Variants in GRM5 observed in about 807,000 individuals in gnomAD.
The protein encoded by GRM5 is glutamate metabotropic receptor 5.
In GRM5, 19 loss-of-function variants were observed where a neutral mutation model predicts 83.1. That is an observed-to-expected ratio of 0.23 (90% CI 0.16 to 0.34). The LOEUF is 0.34. Ranked by LOEUF, GRM5 falls within the 10% of genes least tolerant of loss-of-function variation. The pLI, the probability that GRM5 is intolerant of heterozygous loss-of-function variation, is 1.00. For missense variants in GRM5, 1,160 were observed against 1,588.3 expected, an observed-to-expected ratio of 0.73 and a Z score of 4.58; for synonymous variants, 675 against 633.6, an observed-to-expected ratio of 1.07 and a Z score of -0.98.
intron 2 of GRM5, among the ~76,000 whole-genome samples, chr11:89,006,472 C>A (rs185454406): frequency 0.029 from 4,383 of 152,276 alleles, 95 homozygotes; most frequent in Non-Finnish European, 0.042. Context: ...ACCATCCAGG[C>A]TGAAGAACCT....
intron 3 of GRM5, among the ~76,000 whole-genome samples, chr11:88,811,475 G>A (rs991426928): frequency 6.6e-6 from 1 of 151,896 alleles, no homozygotes; most frequent in Non-Finnish European, 1.5e-5. Flanking sequence ...TATGACCCTG[G>A]GTTCTTTTAG....
intron 3 of GRM5, among the ~76,000 whole-genome samples, chr11:88,767,297 C>T (rs1195943546): frequency 1.3e-5 from 2 of 151,930 alleles, no homozygotes; most frequent in Admixed American, 6.6e-5. Context: ...AACAGAATTG[C>T]TATTTGATCC....
intron 2 of GRM5, among the ~76,000 whole-genome samples, chr11:89,045,460 C>T (rs1479804408): frequency 2.0e-5 from 3 of 152,052 alleles, no homozygotes; most frequent in Non-Finnish European, 4.4e-5. Context: ...GTTATATATA[C>T]AGAAATGCCC....
intron 4 of GRM5, among the ~76,000 whole-genome samples, chr11:88,629,351 A>G (rs1259393167): frequency 6.6e-6 from 1 of 152,150 alleles, no homozygotes; most frequent in Non-Finnish European, 1.5e-5. Context: ...TGCGCCGTAC[A>G]TATCTATAGT....
At chr11:88,837,570 G>A (rs1041399534) in intron 3 of GRM5, among the ~76,000 whole-genome samples, 2 of 152,058 alleles carry the variant, frequency 1.3e-5, no homozygotes, top group East Asian at 1.9e-4. Context: ...AGCCACCAGC[G>A]CACTTTGAGA....
intron 2 of GRM5, among the ~76,000 whole-genome samples, chr11:88,931,904 C>T (rs1458735742): frequency 6.6e-6 from 1 of 152,068 alleles, no homozygotes; most frequent in African/African-American, 2.4e-5. Context: ...CATGAAAACA[C>T]ACTGCATGGT....
chr11:89,049,451 T>G (rs1394723828), intron 1 of GRM5, among the ~76,000 whole-genome samples: 2 of 152,198 alleles, frequency 1.3e-5, no homozygotes, highest in Admixed American at 6.5e-5. Context: ...AGTGACTAAC[T>G]TTCTAAGCAC....
At chr11:88,917,424 G>A (rs1838676083) in intron 2 of GRM5, among the ~76,000 whole-genome samples, 1 of 152,154 alleles carries the variant, frequency 6.6e-6, no homozygotes, top group South Asian at 2.1e-4. Context: ...GTTTTTCAAT[G>A]TCCAGACATT....
At chr11:88,845,320 G>GT (rs1565258498) in intron 3 of GRM5, among the ~76,000 whole-genome samples, 9 of 88,878 alleles carry the variant, frequency 1.0e-4, no homozygotes, top group African/African-American at 4.4e-4. Flanking sequence ...ATGATCACTT[G>GT]CTTTTTTTTT....
intron 2 of GRM5, among the ~76,000 whole-genome samples, chr11:89,043,502 T>A (rs1420455099): frequency 6.6e-6 from 1 of 152,130 alleles, no homozygotes; most frequent in African/African-American, 2.4e-5. Context: ...GCATTTTAAA[T>A]ATTCTTTCTT....
At chr11:89,034,864 G>A (rs1191028402) in intron 2 of GRM5, among the ~76,000 whole-genome samples, 1 of 146,584 alleles carries the variant, frequency 6.8e-6, no homozygotes, top group Non-Finnish European at 1.5e-5. Context: ...TTTTTTTTGG[G>A]AGGGAATGTA....
chr11:88,698,894 G>C (rs1940963377), intron 3 of GRM5, among the ~76,000 whole-genome samples: 1 of 152,138 alleles, frequency 6.6e-6, no homozygotes, highest in Non-Finnish European at 1.5e-5. Flanking sequence ...ATGTATGGTG[G>C]ATTGAACAAA....
At chr11:88,786,617 A>G (rs75132571) in intron 3 of GRM5, among the ~76,000 whole-genome samples, 4,706 of 152,204 alleles carry the variant, frequency 0.031, 216 homozygotes, top group African/African-American at 0.095. Context: ...TTCCATAGGT[A>G]CCAACATGGC....
chr11:88,888,684 A>C (rs1161549633), intron 2 of GRM5, among the ~76,000 whole-genome samples: 1 of 152,156 alleles, frequency 6.6e-6, no homozygotes, highest in Non-Finnish European at 1.5e-5. Context: ...CGGTAAAAGA[A>C]ATAATAAGGA....
chr11:88,652,790 T>G (rs1347467517), intron 4 of GRM5, among the ~76,000 whole-genome samples: 1 of 152,212 alleles, frequency 6.6e-6, no homozygotes, highest in Non-Finnish European at 1.5e-5. Flanking sequence ...AAACCGTTAC[T>G]ATGTGCTTCC....
chr11:88,535,293 T>A (rs1274470389), intron 8 of GRM5, among the ~76,000 whole-genome samples: 1 of 152,192 alleles, frequency 6.6e-6, no homozygotes, highest in Non-Finnish European at 1.5e-5. Flanking sequence ...TTTTAGCCAA[T>A]GATCATGGGA....
At position 89,047,191 on chromosome 11, in the gene GRM5, A is replaced by T; in HGVS notation, c.661+21T>A. Reference sequence around the variant, plus strand: ...TTGAGTGCATAATAATATATACTCGATGTATGCAAAGGAAACTTACCTTCT... The same window carrying T: ...TTGAGTGCATAATAATATATACTCGTTGTATGCAAAGGAAACTTACCTTCT... On this transcript the variant is annotated intron_variant, in intron 2 of 9. Coordinates refer to ENST00000305447, the MANE Select transcript of GRM5 (RefSeq NM_001143831.3). The surrounding 1 kb of genome is among the most constrained non-coding windows in gnomAD (Gnocchi z 5.1). 1 of 1,551,280 alleles carries T rather than the reference A, an allele frequency of 6.4e-7. No homozygotes were observed. The highest frequency in any genetic ancestry group is 8.8e-7 in the Non-Finnish European group (1 of 1,134,044).
At chr11:88,713,212 A>G (rs1391878) in intron 3 of GRM5, among the ~76,000 whole-genome samples, 38,265 of 152,016 alleles carry the variant, frequency 0.25, 4,978 homozygotes, top group African/African-American at 0.29. Flanking sequence ...CAGGTGCTGC[A>G]TTAGCTAAGG....
At chr11:88,661,696 C>T (rs16914478) in intron 3 of GRM5, among the ~76,000 whole-genome samples, 1,744 of 152,106 alleles carry the variant, frequency 0.011, 26 homozygotes, top group African/African-American at 0.04. Flanking sequence ...TAGTGAAAAG[C>T]AAGGAAAAAT....
Sources: gnomAD v4.1 joint callset for allele counts (sites outside exome capture counted in the v4.1 genomes callset) on GRCh38, gnomAD v4.1.1 for gene constraint, Gnocchi (gnomAD v3.1) non-coding constraint, MANE v1.5 for transcripts, NCBI Gene and HGNC (gene_info 2026-07-23, HGNC 2026-07-21) for gene names.